The following NOD1 variants were observed in gnomAD, a reference collection of about 807,000 sequenced individuals.
NOD1 encodes nucleotide binding oligomerization domain containing 1.
In NOD1, 70 loss-of-function variants were observed where a neutral mutation model predicts 81.2. The observed-to-expected ratio is 0.86, with a 90% CI of 0.71 to 1.05. The LOEUF is 1.05. Ranked by LOEUF, NOD1 falls within the 50% of genes least tolerant of loss-of-function variation. The pLI, the probability that NOD1 is intolerant of heterozygous loss-of-function variation, is 0.00. For synonymous variants in NOD1, 508 were observed against 526.9 expected (o/e 0.96, Z 0.49); for missense variants, 1,233 against 1,228.0 (o/e 1.00, Z -0.06).
In NOD1 at chr7:30,467,091, A is replaced by G. The variant is rs1023569429; in HGVS notation, c.-351-7050T>C. On this transcript the variant is annotated intron_variant, in intron 1 of 13. Transcript: ENST00000222823. The surrounding 1 kb of genome is among the most constrained non-coding windows in gnomAD (Gnocchi z 4.5). ...TGGAGCTGCATGTACTGACATAGAA[A>G]GAGCCTTAAGACATCCTGTCACTTG... Among the ~76,000 whole-genome samples, 2 of 152,242 alleles carry G rather than the reference A, an allele frequency of 1.3e-5. No homozygotes were observed. Among genetic ancestry groups the G allele is most frequent in the African/African-American group, 4.8e-5 (2 of 41,466 alleles).
intron 7 of NOD1, 91 bp downstream of exon 7, chr7:30,448,207 C>T: frequency 9.2e-7 from 1 of 1,086,324 alleles, no homozygotes; most frequent in Non-Finnish European, 1.4e-6. Flanking sequence ...GCCATCCGTG[C>T]CGATCATCCA....
chr7:30,448,352 C>T lies in NOD1; in HGVS notation c.2231G>A (p.Gly744Glu), dbSNP rs1177613744. 31 of 1,614,204 alleles carry T rather than the reference C, an allele frequency of 1.9e-5. No homozygotes were observed. The highest frequency in any genetic ancestry group is 2.5e-5 in the Non-Finnish European group (29 of 1,180,016). ...RLSVNQITDG[G>E]VKVLSEELTK... is the part of the protein sequence containing the mutation. ...CAGCTCTTCGCTTAGCACCTTTACC[C>T]CACCGTCAGTGATCTGGTTTACGCT... Residue 744 changes from glycine to glutamate, a missense_variant, in exon 7 of 14, where the codon GGG becomes GAG. Transcript: ENST00000222823.
In NOD1 at chr7:30,452,031, C is replaced by G; in HGVS notation, c.1386G>C (p.Ser462=). The change falls in exon 6 of 14, where the codon TCG becomes TCC. Residue 462 remains serine, a synonymous_variant. Transcript: ENST00000222823. ...TLHAGRDTLC[S]LGQVAHRGME... ...TGCCCCGGTGGGCCACCTGCCCCAGCGAGCACAGAGTGTCCCGGCCGGCGT... is the reference window on the plus strand; with the variant it reads ...TGCCCCGGTGGGCCACCTGCCCCAGGGAGCACAGAGTGTCCCGGCCGGCGT... 2.5e-6 allele frequency: 4 copies of G among 1,613,502 alleles called. No individual in the cohort carries two copies. Among genetic ancestry groups the G allele is most frequent in the South Asian group, 2.2e-5 (2 of 91,078 alleles).
At chr7:30,425,801 G>A (rs898242519) in intron 13 of NOD1, 91 bp from the exon 14 acceptor site, 35 of 860,876 alleles carry the variant, frequency 4.1e-5, no homozygotes, top group East Asian at 1.5e-4. Flanking sequence ...GCACACACTC[G>A]TGTATCACAC....
intron 1 of NOD1, chr7:30,460,650 G>C: frequency 1.0e-6 from 1 of 985,458 alleles, no homozygotes; most frequent in Non-Finnish European, 1.2e-6. Context: ...TCGGAGGAGG[G>C]TGAGTCCACC....
chr7:30,447,251 G>C, intron 7 of NOD1: 2 of 734,306 alleles, frequency 2.7e-6, no homozygotes, highest in Non-Finnish European at 2.3e-6. Context: ...TTTATGGCCT[G>C]AGACAAGTCA....
chr7:30,427,879 T>G (rs1052368797), intron 13 of NOD1, among the ~76,000 whole-genome samples: 1 of 152,104 alleles, frequency 6.6e-6, no homozygotes, highest in East Asian at 1.9e-4. Context: ...GCAGTCTCCT[T>G]CCTCTCCCCC....
rs1435507974 is a variant in NOD1 at position 30,455,240 on chromosome 7, C to A, written c.273G>T (p.Gln91His). ...GGTCCACGTAGGCATCTGCGAGTTG[C>A]TGGAGCAAGTAGAGGAAGAACTCGG... ...EVSEFFLYLL[Q>H]QLADAYVDLR... is the part of the protein sequence containing the mutation. Residue 91 changes from glutamine to histidine, a missense_variant, in exon 5 of 14, where the codon CAG becomes CAT. By Grantham distance (24) the Gln-to-His change is conservative. Coordinates refer to ENST00000222823, the MANE Select transcript of NOD1 (RefSeq NM_006092.4). 6.2e-7 allele frequency: 1 copy of A among 1,614,168 alleles called. No individual in the cohort carries two copies. The highest frequency in any genetic ancestry group is 8.5e-7 in the Non-Finnish European group (1 of 1,180,024).
In NOD1 at chr7:30,478,233, G is replaced by C. The variant is rs556793074; in HGVS notation, c.-352+373C>G. ...GCTGGCTGCACACTGGAATCACTTG[G>C]GGAGCTTTTAAAAGATACGGAGGCC... is the stretch of plus-strand genomic sequence containing the variant. On this transcript the variant is annotated intron_variant, in intron 1 of 13. Transcript: ENST00000222823. This position sits in a 1 kb window ranked among gnomAD's most constrained non-coding sequence, Gnocchi z 4.1. Among the ~76,000 whole-genome samples, 2 of 152,086 alleles carry C rather than the reference G, an allele frequency of 1.3e-5. No homozygotes were observed. The highest frequency in any genetic ancestry group is 3.9e-4 in the East Asian group (2 of 5,154).
In NOD1 at chr7:30,452,344, C is replaced by A. The variant is rs778257277; in HGVS notation, c.1073G>T (p.Arg358Leu). The change falls in exon 6 of 14, where the codon CGC (arginine) becomes CTC (leucine). Residue 358 changes from arginine (R) to leucine (L), a missense_variant. Coordinates refer to ENST00000222823, the MANE Select transcript of NOD1 (RefSeq NM_006092.4). ...LLRGFSPSHL[R>L]AYARRMFPER... is the part of the protein sequence containing the mutation. ...GGGGAACATCCTCCTGGCATAGGCG[C>A]GCAGGTGGCTGGGGGAGAAGCCCCG... The A allele has an allele frequency of 1.9e-6, 3 of 1,613,382 alleles. No homozygotes were observed. The highest frequency in any genetic ancestry group is 1.7e-6 in the Non-Finnish European group (2 of 1,180,000).
intron 1 of NOD1, among the ~76,000 whole-genome samples, chr7:30,463,267 T>A (rs555829960): frequency 6.6e-6 from 1 of 152,296 alleles, no homozygotes; most frequent in Non-Finnish European, 1.5e-5. Flanking sequence ...TTCCATGAAA[T>A]TGATTTTCTT....
chr7:30,448,870 T>C (rs1257337429), intron 6 of NOD1, among the ~76,000 whole-genome samples: 6 of 152,190 alleles, frequency 3.9e-5, no homozygotes, highest in African/African-American at 7.2e-5. Flanking sequence ...AGAACTGTTA[T>C]ACCCAAAATG....
intron 1 of NOD1, among the ~76,000 whole-genome samples, chr7:30,474,394 CAGTT>C (rs1562723959): frequency 6.6e-6 from 1 of 152,200 alleles, no homozygotes; most frequent in African/African-American, 2.4e-5. Flanking sequence ...GAAGGTCACA[CAGTT>C]AGTTAAGGCA....
intron 1 of NOD1, among the ~76,000 whole-genome samples, chr7:30,461,393 G>C (rs1029173969): frequency 1.3e-5 from 2 of 152,166 alleles, no homozygotes; most frequent in Non-Finnish European, 2.9e-5. Context: ...GCCCAGGCTG[G>C]TCTTGAACTC....
Position 30,446,964 on chromosome 7 carries a change from T to TA in NOD1, c.2369+2dup, listed in dbSNP as rs1491540123. On this transcript the variant is annotated splice_region_variant and intron_variant, in intron 8 of 13. Coordinates refer to ENST00000222823, the MANE Select transcript of NOD1 (RefSeq NM_006092.4). ...TAAGGAACCTGGTGCCTACCCCACT[T>TA]ACTTAAGATGCGTGAGGCCTTTGCA... 6.2e-7 allele frequency: 1 copy of TA among 1,611,672 alleles called. No homozygotes were observed. The highest frequency in any genetic ancestry group is 1.1e-5 in the South Asian group (1 of 90,836).
chr7:30,434,487 A>G (rs2128000447), intron 11 of NOD1, among the ~76,000 whole-genome samples: 1 of 152,370 alleles, frequency 6.6e-6, no homozygotes, highest in African/African-American at 2.4e-5. Context: ...TGTCAACAGC[A>G]TCAAGATGGA....
chr7:30,432,048 AG>A (rs1783998348), intron 12 of NOD1, among the ~76,000 whole-genome samples: 1 of 152,156 alleles, frequency 6.6e-6, no homozygotes, highest in Non-Finnish European at 1.5e-5. Flanking sequence ...GAGGTTGCAG[AG>A]AGCTGAGATC....
chr7:30,458,537 CTA>C (rs982569030), intron 3 of NOD1, among the ~76,000 whole-genome samples: 3 of 152,144 alleles, frequency 2.0e-5, no homozygotes, highest in East Asian at 1.9e-4. Flanking sequence ...TGACATGCTT[CTA>C]TGTTTTCTTT....
rs1323293816 is a variant in NOD1 at position 30,452,078 on chromosome 7, G to A, written c.1339C>T (p.Arg447Cys). 12 of 1,613,720 alleles carry A rather than the reference G, an allele frequency of 7.4e-6. No individual in the cohort carries two copies. Among genetic ancestry groups the A allele is most frequent in the East Asian group, 4.5e-5 (2 of 44,870 alleles). The change falls in exon 6 of 14, where the codon CGC (arginine) becomes TGC (cysteine). Residue 447 changes from arginine (R) to cysteine (C), a missense_variant. Arg to Cys is a radical substitution (Grantham distance 180). Coordinates refer to ENST00000222823, the MANE Select transcript of NOD1 (RefSeq NM_006092.4). Reference sequence around the variant, plus strand: ...GCGTGGAGGGTCTCCACTGGGCTGCGTGTGTTCCGCTGCACCAGGCTGCTG... The same window carrying A: ...GCGTGGAGGGTCTCCACTGGGCTGCATGTGTTCCGCTGCACCAGGCTGCTG... ...QPSSLVQRNT[R>C]SPVETLHAGR...
Sources: gnomAD v4.1 joint callset for allele counts (sites outside exome capture counted in the v4.1 genomes callset) on GRCh38, gnomAD v4.1.1 for gene constraint, Gnocchi (gnomAD v3.1) non-coding constraint, MANE v1.5 for transcripts, NCBI Gene and HGNC (gene_info 2026-07-23, HGNC 2026-07-21) for gene names.